Variants in WDR72 observed in about 807,000 individuals in gnomAD.
WDR72 encodes WD repeat domain 72.
Under a neutral mutation model 124.2 loss-of-function variants are expected in WDR72, and 120 were observed. That is an observed-to-expected ratio of 0.97 (90% CI 0.83 to 1.12). The LOEUF (loss-of-function observed/expected upper bound fraction) is 1.12, where lower values mean the gene tolerates loss of function less well. WDR72 is among the 50% of genes most tolerant of loss of function. The pLI is 0.00. For missense variants in WDR72, 1,387 were observed against 1,278.8 expected, an observed-to-expected ratio of 1.08 and a Z score of -1.29; for synonymous variants, 452 against 441.7, an observed-to-expected ratio of 1.02 and a Z score of -0.29.
intron 19 of WDR72, among the ~76,000 whole-genome samples, chr15:53,519,388 A>G (rs1337257054): frequency 6.6e-6 from 1 of 152,042 alleles, no homozygotes; most frequent in Non-Finnish European, 1.5e-5. Flanking sequence ...ATGGCCCTAA[A>G]ATCTCAAAAG....
chr15:53,563,450 T>C (rs1225823997), intron 18 of WDR72, among the ~76,000 whole-genome samples: 1 of 151,842 alleles, frequency 6.6e-6, no homozygotes, highest in East Asian at 1.9e-4. Context: ...TAGATATTTT[T>C]ATTTATTTAT....
intron 14 of WDR72, among the ~76,000 whole-genome samples, chr15:53,662,266 T>C (rs1275713972): frequency 1.3e-5 from 2 of 152,184 alleles, no homozygotes; most frequent in African/African-American, 4.8e-5. Flanking sequence ...ACCAGAGATA[T>C]TGTTTGTCTA....
At chr15:53,727,074 G>A (rs2018060980) in intron 2 of WDR72, among the ~76,000 whole-genome samples, 3 of 152,040 alleles carry the variant, frequency 2.0e-5, no homozygotes, top group African/African-American at 7.2e-5. Context: ...CACTTTGGGA[G>A]GCTGAGGCGG....
intron 1 of WDR72, among the ~76,000 whole-genome samples, chr15:53,757,126 G>A (rs2018930079): frequency 6.6e-6 from 1 of 152,144 alleles, no homozygotes; most frequent in African/African-American, 2.4e-5. Context: ...TTAGGAAGAG[G>A]TCTTGCAAGG....
upstream of WDR72, among the ~76,000 whole-genome samples, chr15:53,762,179 C>G (rs1225274633): frequency 6.6e-6 from 1 of 152,102 alleles, no homozygotes; most frequent in Non-Finnish European, 1.5e-5. Flanking sequence ...GATATTTGGC[C>G]AGGCCCAAGT....
chr15:53,734,960 C>A (rs1555429715), intron 1 of WDR72, among the ~76,000 whole-genome samples: 1 of 152,028 alleles, frequency 6.6e-6, no homozygotes, highest in Non-Finnish European at 1.5e-5. Context: ...AGAAACACTA[C>A]AGACCTATTT....
At chr15:53,617,547 A>G (rs1366572002) in intron 14 of WDR72, among the ~76,000 whole-genome samples, 1 of 151,714 alleles carries the variant, frequency 6.6e-6, no homozygotes, top group African/African-American at 2.4e-5. Flanking sequence ...AAATTATAAG[A>G]GCAAATTTGT....
chr15:53,758,221 G>A (rs1017351124), intron 1 of WDR72, among the ~76,000 whole-genome samples: 3 of 152,032 alleles, frequency 2.0e-5, no homozygotes, highest in African/African-American at 7.3e-5. Flanking sequence ...GGCTGGTCTG[G>A]AACTCCTGAG....
intron 18 of WDR72, among the ~76,000 whole-genome samples, chr15:53,594,580 C>A: frequency 6.7e-6 from 1 of 150,082 alleles, no homozygotes; most frequent in Non-Finnish European, 1.5e-5. Context: ...TTCTATCAAC[C>A]AGCCTGGGCA....
At chr15:53,717,516 T>G (rs2017747404) in intron 3 of WDR72, among the ~76,000 whole-genome samples, 1 of 152,146 alleles carries the variant, frequency 6.6e-6, no homozygotes, top group East Asian at 1.9e-4. Context: ...GGCTTTTTTG[T>G]TTTTCTAACC....
intron 18 of WDR72, among the ~76,000 whole-genome samples, chr15:53,573,581 T>G (rs1462571976): frequency 2.0e-5 from 3 of 151,982 alleles, no homozygotes; most frequent in Admixed American, 6.6e-5. Flanking sequence ...AGTCTCGCTC[T>G]GTCACCCAGG....
At chr15:53,657,263 CAAAAAAA>C (rs10549551) in intron 14 of WDR72, among the ~76,000 whole-genome samples, 5 of 56,400 alleles carry the variant, frequency 8.9e-5, no homozygotes, top group African/African-American at 3.1e-4. Flanking sequence ...GACTCCATCT[CAAAAAAA>C]AAAAAAAAAA....
chr15:53,516,356 TAC>T lies in WDR72; in HGVS notation c.*1341_*1342del, dbSNP rs1490780828. 1 of 152,102 alleles carries T rather than the reference TAC, an allele frequency of 6.6e-6. No individual in the cohort carries two copies. The highest frequency in any genetic ancestry group is 1.5e-5 in the Non-Finnish European group (1 of 67,994). 9.4% of individuals were successfully genotyped at this position (152,102 alleles called of 1,614,324 possible). ...AGGGTGCAGCCCACGTCATTTCAAT[TAC>T]ACAGTTCTCTTTTCTAATTTCCCCA... is the stretch of plus-strand genomic sequence containing the variant. On this transcript the variant is annotated 3_prime_UTR_variant, in exon 20 of 20. Transcript: ENST00000360509.
At chr15:53,567,886 A>G (rs754464178) in intron 18 of WDR72, among the ~76,000 whole-genome samples, 103 of 151,638 alleles carry the variant, frequency 6.8e-4, no homozygotes, top group Non-Finnish European at 1.3e-3. Flanking sequence ...ACAGATAAAA[A>G]ACAAATAATC....
intron 14 of WDR72, among the ~76,000 whole-genome samples, chr15:53,646,219 G>A (rs893807200): frequency 6.6e-6 from 1 of 151,956 alleles, no homozygotes; most frequent in African/African-American, 2.4e-5. Context: ...AACTTCTGAT[G>A]TATACAACAA....
intron 14 of WDR72, among the ~76,000 whole-genome samples, chr15:53,651,301 C>G (rs536583659): frequency 6.6e-6 from 1 of 152,286 alleles, no homozygotes; most frequent in Non-Finnish European, 1.5e-5. Context: ...CCCAGGCTAT[C>G]GTAAACCCCT....
chr15:53,762,034 T>C (rs2140911287), upstream of WDR72, among the ~76,000 whole-genome samples: 1 of 151,824 alleles, frequency 6.6e-6, no homozygotes, highest in Non-Finnish European at 1.5e-5. Flanking sequence ...TTTTTTAAGG[T>C]TTCTCAGTTA....
In WDR72 at chr15:53,711,398, A is replaced by G; in HGVS notation, c.795T>C (p.Ala265=). ...CTGTCCAGATGAGGATTCTGTGAGC[A>G]GCAATCACTTCTCCACCAGCAAAGA... ...GQFFAGGEVI[A]AHRILIWTED... Residue 265 remains alanine (A), a synonymous_variant, in exon 8 of 20, where the codon GCT becomes GCC. Coordinates refer to ENST00000360509, the MANE Select transcript of WDR72 (RefSeq NM_182758.4). The G allele has an allele frequency of 6.2e-7, 1 of 1,614,206 alleles. No individual in the cohort carries two copies. Among genetic ancestry groups the G allele is most frequent in the Non-Finnish European group, 8.5e-7 (1 of 1,180,044 alleles).
chr15:53,581,691 G>C (rs1449777229), intron 18 of WDR72, among the ~76,000 whole-genome samples: 1 of 151,956 alleles, frequency 6.6e-6, no homozygotes, highest in Non-Finnish European at 1.5e-5. Context: ...TCGCAGAGCA[G>C]AAATTATTTT....
Sources: gnomAD v4.1 joint callset for allele counts (sites outside exome capture counted in the v4.1 genomes callset) on GRCh38, gnomAD v4.1.1 for gene constraint, MANE v1.5 for transcripts, NCBI Gene and HGNC (gene_info 2026-07-23, HGNC 2026-07-21) for gene names.